The following CUX1 variants were observed in gnomAD, a reference collection of about 807,000 sequenced individuals.
CUX1 encodes the protein cut like homeobox 1, also known as protein CASP.
CUX1 carries 31 observed loss-of-function variants against 158.8 expected under a neutral mutation model. The observed-to-expected ratio is 0.20, with a 90% CI of 0.15 to 0.26. The LOEUF is 0.26. CUX1 is among the 10% of genes least tolerant of loss of function. The probability of loss-of-function intolerance (pLI) is 1.00; values close to 1 mark genes in which losing one functional copy is unlikely to be tolerated. For synonymous variants in CUX1, 879 were observed against 862.1 expected (o/e 1.02, Z -0.34); for missense variants, 1,589 against 2,014.6 (o/e 0.79, Z 4.04).
At chr7:102,061,444 T>C in intron 3 of CUX1, among the ~76,000 whole-genome samples, 1 of 152,098 alleles carries the variant, frequency 6.6e-6, no homozygotes, top group East Asian at 1.9e-4. Context: ...GTCTGAGAAA[T>C]GAAGCTGGTG....
intron 2 of CUX1, among the ~76,000 whole-genome samples, chr7:101,949,281 G>A (rs971127310): frequency 3.3e-5 from 5 of 151,376 alleles, no homozygotes; most frequent in East Asian, 4.0e-4. Flanking sequence ...ACAGGCGCCC[G>A]CCACCACGCC....
chr7:101,929,537 A>G (rs1284286566), intron 2 of CUX1, among the ~76,000 whole-genome samples: 3 of 152,228 alleles, frequency 2.0e-5, no homozygotes, highest in Admixed American at 1.3e-4. Flanking sequence ...TCAGCAAACA[A>G]CTTTGTTGAG....
intron 20 of CUX1, 50 bp downstream of exon 20, chr7:102,205,220 T>A: frequency 7.4e-7 from 1 of 1,356,834 alleles, no homozygotes; most frequent in Non-Finnish European, 1.1e-6. Flanking sequence ...CACTGCCTTT[T>A]CTGTTGTCCC....
chr7:102,154,184 C>T (rs1476249851), intron 8 of CUX1: 1 of 151,810 alleles, frequency 6.6e-6, no homozygotes, highest in Admixed American at 6.6e-5. Context: ...CAACACAAGC[C>T]TGGAAAATAA....
At chr7:102,157,884 A>C (rs1789951166) in intron 8 of CUX1, among the ~76,000 whole-genome samples, 1 of 152,164 alleles carries the variant, frequency 6.6e-6, no homozygotes. Context: ...GTACTTTCAA[A>C]ACAGAAAAAG....
intron 1 of CUX1, among the ~76,000 whole-genome samples, chr7:101,863,389 C>T (rs1482714737): frequency 1.4e-5 from 2 of 146,050 alleles, no homozygotes; most frequent in East Asian, 2.0e-4. Flanking sequence ...CTCCTTCTGT[C>T]GCCCAGGCTG....
At chr7:102,053,410 A>G (rs1481053239) in intron 3 of CUX1, among the ~76,000 whole-genome samples, 1 of 152,202 alleles carries the variant, frequency 6.6e-6, no homozygotes, top group Non-Finnish European at 1.5e-5. Flanking sequence ...TGGAGTATCC[A>G]TCACCTGAAG....
chr7:102,253,124 GC>G lies in CUX1; in HGVS notation c.*4084del. The G allele has an allele frequency of 1.0e-6, 1 of 985,444 alleles. No individual in the cohort carries two copies. Among genetic ancestry groups the G allele is most frequent in the Non-Finnish European group, 1.2e-6 (1 of 829,974 alleles). 61.0% of individuals were successfully genotyped at this position (985,444 alleles called of 1,614,324 possible). A position where few individuals can be genotyped will look rare whatever the true frequency, so the allele number is the denominator to read the frequency against. On this transcript the variant is annotated 3_prime_UTR_variant, in exon 24 of 24. Transcript: ENST00000292535. Reference sequence around the variant, plus strand: ...CTCCCTGCTCAGTTTCCTTCCTGTCGCCATCTTTGTTTTCTTCCCATTGAAA... The same window carrying G: ...CTCCCTGCTCAGTTTCCTTCCTGTCGCATCTTTGTTTTCTTCCCATTGAAA...
chr7:102,141,789 A>ATTTTTTTTTTTTTTTTTTT (rs71123009), intron 8 of CUX1, among the ~76,000 whole-genome samples: 12 of 102,580 alleles, frequency 1.2e-4, no homozygotes, highest in Non-Finnish European at 1.7e-4. Flanking sequence ...CTCTCAGCTA[A>ATTTTTTTTTTTTTTTTTTT]TTTTTTTTTT....
chr7:102,191,249 A>G (rs782793757), intron 12 of CUX1, among the ~76,000 whole-genome samples: 10 of 152,076 alleles, frequency 6.6e-5, no homozygotes, highest in African/African-American at 9.7e-5. Flanking sequence ...TTATTTATTT[A>G]TTTGACAGAG....
At chr7:102,194,519 G>A (rs914428079) in intron 13 of CUX1, among the ~76,000 whole-genome samples, 1 of 151,830 alleles carries the variant, frequency 6.6e-6, no homozygotes, top group African/African-American at 2.4e-5. Flanking sequence ...AAGATCGCTT[G>A]AGCCCAGTAG....
intron 1 of CUX1, among the ~76,000 whole-genome samples, chr7:101,872,949 T>C (rs911659365): frequency 7.2e-5 from 11 of 152,158 alleles, no homozygotes; most frequent in African/African-American, 2.7e-4. Flanking sequence ...CTCAGCTCGC[T>C]GCAACCTCCG....
chr7:102,124,698 G>T (rs1201706006), intron 8 of CUX1, among the ~76,000 whole-genome samples: 1 of 152,152 alleles, frequency 6.6e-6, no homozygotes, highest in African/African-American at 2.4e-5. Context: ...CATATTTATA[G>T]GTAGACAGGA....
intron 6 of CUX1, among the ~76,000 whole-genome samples, chr7:102,110,789 C>G (rs1830806343): frequency 6.6e-6 from 1 of 152,136 alleles, no homozygotes; most frequent in Non-Finnish European, 1.5e-5. Flanking sequence ...TAGACTGTTA[C>G]ATATGATGTC....
At chr7:102,045,968 A>G (rs1157249923) in intron 3 of CUX1, among the ~76,000 whole-genome samples, 1 of 152,172 alleles carries the variant, frequency 6.6e-6, no homozygotes, top group Non-Finnish European at 1.5e-5. Context: ...GGGTTTCTGA[A>G]TCTCCCAGTG....
intron 2 of CUX1, among the ~76,000 whole-genome samples, chr7:101,972,700 G>T (rs893693894): frequency 6.6e-6 from 1 of 152,192 alleles, no homozygotes; most frequent in African/African-American, 2.4e-5. Flanking sequence ...CCCTGTCGGG[G>T]AAGGACTCCG....
intron 2 of CUX1, among the ~76,000 whole-genome samples, chr7:101,936,165 G>A (rs1237049868): frequency 6.6e-6 from 1 of 151,838 alleles, no homozygotes; most frequent in Non-Finnish European, 1.5e-5. Flanking sequence ...AGGAGATGCA[G>A]GTGGAGGATT....
intron 21 of CUX1, chr7:102,281,979 G>A (rs1792106808): frequency 8.4e-7 from 1 of 1,190,202 alleles, no homozygotes; most frequent in Non-Finnish European, 1.3e-6. Context: ...CTGACCTCCA[G>A]GGCAGCAGGG....
chr7:102,126,177 C>CTGTGTGTGTGTGTGTGTGTG (rs3988138), intron 8 of CUX1, among the ~76,000 whole-genome samples: 2 of 135,542 alleles, frequency 1.5e-5, no homozygotes, highest in African/African-American at 5.6e-5. Context: ...CCATTTCCGG[C>CTGTGTGTGTGTGTGTGTGTG]TGTGTGTGTG....
Sources: allele counts gnomAD v4.1 joint callset (sites outside exome capture counted in the v4.1 genomes callset), GRCh38; gene constraint gnomAD v4.1.1; transcripts MANE v1.5; gene names NCBI Gene and HGNC (gene_info 2026-07-23, HGNC 2026-07-21).